CLVS2: variants seen among roughly 807,000 people sequenced by gnomAD.
CLVS2 encodes clavesin 2.
Under a neutral mutation model 29.0 loss-of-function variants are expected in CLVS2, and 19 were observed. That is an observed-to-expected ratio of 0.66 (90% CI 0.46 to 0.96). The LOEUF (loss-of-function observed/expected upper bound fraction) is 0.96, where lower values mean the gene tolerates loss of function less well. Among genes scored for constraint, CLVS2 ranks in the 40% least tolerant of loss-of-function variants. CLVS2 has a pLI of 0.00. For synonymous variants in CLVS2, 161 were observed against 151.3 expected (o/e 1.06, Z -0.47); for missense variants, 294 against 404.1 (o/e 0.73, Z 2.34).
rs1245565446 is a variant in CLVS2, at chr6:123,068,778, C to A, written c.*5017C>A. The A allele has an allele frequency of 6.6e-6, 1 of 151,182 alleles. No homozygotes were observed. Among genetic ancestry groups the A allele is most frequent in the African/African-American group, 2.4e-5 (1 of 41,328 alleles). The allele number at this position is 151,182 out of a possible 1,614,324, so 9.4% of individuals were successfully genotyped here. ...GTACTACACGGCATTTACTATTTGG[C>A]CTTTTGAAGGAGTTATAAATTCCAA... On this transcript the variant is annotated 3_prime_UTR_variant, in exon 6 of 6. Transcript: ENST00000275162.
intron 2 of CLVS2, among the ~76,000 whole-genome samples, chr6:123,010,585 A>G (rs1774734180): frequency 6.6e-6 from 1 of 151,978 alleles, no homozygotes; most frequent in Non-Finnish European, 1.5e-5. Flanking sequence ...TTTATTGATG[A>G]GACTCACTCA....
chr6:123,033,902 A>G (rs1775115118), intron 3 of CLVS2, among the ~76,000 whole-genome samples: 2 of 152,144 alleles, frequency 1.3e-5, no homozygotes, highest in African/African-American at 4.8e-5. Context: ...TATGGTTAAA[A>G]CACACGGACA....
intron 5 of CLVS2, among the ~76,000 whole-genome samples, chr6:123,059,998 A>G (rs1410060696): frequency 6.6e-6 from 1 of 152,220 alleles, no homozygotes; most frequent in Non-Finnish European, 1.5e-5. Context: ...AAACTGAAAA[A>G]TGAGATTAAG....
intron 4 of CLVS2, among the ~76,000 whole-genome samples, chr6:123,049,067 C>G (rs1378395559): frequency 6.6e-6 from 1 of 152,126 alleles, no homozygotes; most frequent in Admixed American, 6.6e-5. Flanking sequence ...AAAGTCTAAA[C>G]AAAAGTTATA....
intron 3 of CLVS2, among the ~76,000 whole-genome samples, chr6:123,034,179 C>A (rs1775119424): frequency 6.6e-6 from 1 of 152,032 alleles, no homozygotes; most frequent in Non-Finnish European, 1.5e-5. Context: ...GAACATGAGA[C>A]CATATGATTC....
At chr6:123,029,026 T>G (rs1321353217) in intron 3 of CLVS2, among the ~76,000 whole-genome samples, 2 of 152,150 alleles carry the variant, frequency 1.3e-5, no homozygotes, top group African/African-American at 4.8e-5. Context: ...CAAGAAAGTT[T>G]GCTTTATCTT....
chr6:123,027,098 A>G (rs994091634), intron 3 of CLVS2, among the ~76,000 whole-genome samples: 1 of 152,128 alleles, frequency 6.6e-6, no homozygotes, highest in Non-Finnish European at 1.5e-5. Flanking sequence ...TGATGTGAAG[A>G]GTTGATCAAA....
At chr6:123,042,634 C>A (rs777921470) in intron 3 of CLVS2, among the ~76,000 whole-genome samples, 8 of 152,150 alleles carry the variant, frequency 5.3e-5, no homozygotes, top group Non-Finnish European at 7.3e-5. Context: ...TTCCAATTAG[C>A]TGGTAATTAA....
chr6:123,012,749 AC>A (rs1562164244), intron 3 of CLVS2, among the ~76,000 whole-genome samples: 1 of 151,884 alleles, frequency 6.6e-6, no homozygotes, highest in Non-Finnish European at 1.5e-5. Flanking sequence ...CTCTGCATGG[AC>A]CTGTAATGGC....
At chr6:123,038,623 A>T (rs1775187113) in intron 3 of CLVS2, among the ~76,000 whole-genome samples, 2 of 151,912 alleles carry the variant, frequency 1.3e-5, no homozygotes, top group African/African-American at 4.8e-5. Flanking sequence ...ATTTTGATGT[A>T]TTTTTTCCAA....
chr6:123,004,959 A>C (rs920785699), intron 2 of CLVS2, among the ~76,000 whole-genome samples: 74 of 152,152 alleles, frequency 4.9e-4, no homozygotes, highest in South Asian at 2.1e-3. Context: ...ACAAAAAAAA[A>C]AAAAACCAAT....
chr6:123,011,188 G>T, intron 3 of CLVS2, 29 bp downstream of exon 3: 2 of 1,475,250 alleles, frequency 1.4e-6, no homozygotes, highest in Non-Finnish European at 1.8e-6. Context: ...CTACTTCCTT[G>T]GTCTCTTGTG....
chr6:123,002,808 A>T (rs1774609787), intron 2 of CLVS2, among the ~76,000 whole-genome samples: 1 of 152,170 alleles, frequency 6.6e-6, no homozygotes, highest in African/African-American at 2.4e-5. Context: ...TGTCATACCT[A>T]CTGGCAGAGT....
At chr6:123,002,798 TGTC>T (rs1374575876) in intron 2 of CLVS2, among the ~76,000 whole-genome samples, 6 of 152,208 alleles carry the variant, frequency 3.9e-5, no homozygotes, top group African/African-American at 1.4e-4. Flanking sequence ...TGCTTCACAT[TGTC>T]ATACCTACTG....
Position 122,997,609 on chromosome 6 carries a change from A to C in CLVS2, c.-169A>C. On this transcript the variant is annotated 5_prime_UTR_variant, in exon 2 of 6. Coordinates refer to ENST00000275162, the MANE Select transcript of CLVS2 (RefSeq NM_001010852.4). ...CCCCCCAGCTTTGCTGGGGGAAAGC[A>C]GGAGCAACAGGGCACTTGATTGGAC... The C allele has an allele frequency of 1.6e-6, 1 of 634,870 alleles. No homozygotes were observed. Among genetic ancestry groups the C allele is most frequent in the Non-Finnish European group, 2.7e-6 (1 of 370,350 alleles). 39.3% of individuals were successfully genotyped at this position (634,870 alleles called of 1,614,324 possible).
At chr6:123,003,815 A>G (rs899842414) in intron 2 of CLVS2, among the ~76,000 whole-genome samples, 3 of 152,196 alleles carry the variant, frequency 2.0e-5, no homozygotes, top group African/African-American at 4.8e-5. Context: ...TGTAGGAAAG[A>G]CATTGCCTGC....
chr6:123,006,613 G>C (rs908365408), intron 2 of CLVS2, among the ~76,000 whole-genome samples: 1 of 152,092 alleles, frequency 6.6e-6, no homozygotes, highest in African/African-American at 2.4e-5. Context: ...GAGGGAGAAG[G>C]AAAGGGAATA....
intron 3 of CLVS2, among the ~76,000 whole-genome samples, chr6:123,022,846 G>A (rs1774943653): frequency 6.6e-6 from 1 of 152,054 alleles, no homozygotes; most frequent in Admixed American, 6.6e-5. Context: ...ATGACTAAGA[G>A]AAAGCACATT....
Position 123,065,601 on chromosome 6 carries a change from A to G in CLVS2, c.*1840A>G, listed in dbSNP as rs1772841975. The G allele has an allele frequency of 6.6e-6, 1 of 151,906 alleles. No homozygotes were observed. The highest frequency in any genetic ancestry group is 2.1e-4 in the South Asian group (1 of 4,834). 9.4% of individuals were successfully genotyped at this position (151,906 alleles called of 1,614,324 possible). A position where few individuals can be genotyped will look rare whatever the true frequency, so the allele number is the denominator to read the frequency against. On this transcript the variant is annotated 3_prime_UTR_variant, in exon 6 of 6. Transcript: ENST00000275162. The stretch of plus-strand genomic sequence containing the variant: ...ACAGAGATTGGAATGCACTGGGGAC[A>G]ACATGTCTCAGCAGTTCTTACCTTT...
Sources: gnomAD v4.1 joint callset for allele counts (sites outside exome capture counted in the v4.1 genomes callset) on GRCh38, gnomAD v4.1.1 for gene constraint, MANE v1.5 for transcripts, NCBI Gene and HGNC (gene_info 2026-07-23, HGNC 2026-07-21) for gene names.